The following WSCD2 variants were observed in gnomAD, a reference collection of about 807,000 sequenced individuals.
WSCD2 encodes sialate:O-sulfotransferase 2.
A neutral mutation model predicts 55.7 loss-of-function variants in WSCD2; 28 were observed. The ratio of observed to expected loss-of-function variants is 0.50; its 90% CI spans 0.37 to 0.69. WSCD2 has a LOEUF of 0.69. Among genes scored for constraint, WSCD2 ranks in the 30% least tolerant of loss-of-function variants. The probability of loss-of-function intolerance (pLI) is 0.00; values close to 1 mark genes in which losing one functional copy is unlikely to be tolerated. For synonymous variants in WSCD2, 301 were observed against 301.9 expected (o/e 1.00, Z 0.03); for missense variants, 616 against 762.1 (o/e 0.81, Z 2.26).
intron 1 of WSCD2, among the ~76,000 whole-genome samples, chr12:108,173,900 C>G (rs1295351363): frequency 2.7e-5 from 4 of 150,756 alleles, no homozygotes; most frequent in Non-Finnish European, 5.9e-5. Context: ...ACCGGGTGAT[C>G]TGGCATAAAT....
intron 1 of WSCD2, among the ~76,000 whole-genome samples, chr12:108,152,279 A>G (rs1264343989): frequency 6.6e-6 from 1 of 152,212 alleles, no homozygotes; most frequent in Non-Finnish European, 1.5e-5. Flanking sequence ...GTGGGCTGTG[A>G]CCAAGGAAGG....
In WSCD2 at chr12:108,210,456, TC is replaced by T; in HGVS notation, c.682+154del. The T allele has an allele frequency of 9.7e-7, 1 of 1,025,946 alleles. No individual in the cohort carries two copies. The highest frequency in any genetic ancestry group is 1.4e-6 in the Non-Finnish European group (1 of 723,284). 63.6% of individuals were successfully genotyped at this position (1,025,946 alleles called of 1,614,324 possible). On this transcript the variant is annotated intron_variant, in intron 4 of 8. Transcript: ENST00000547525. The surrounding 1 kb of genome is among the most constrained non-coding windows in gnomAD (Gnocchi z 4.3). Reference sequence around the variant, plus strand: ...CCTGCCCCTGCCTCACCTCTCCCACTCCCTCACAGAGCCCTTTGCCCCAGCT... The same window carrying T: ...CCTGCCCCTGCCTCACCTCTCCCACTCCTCACAGAGCCCTTTGCCCCAGCT...
chr12:108,132,053 C>T (rs1250461943), intron 1 of WSCD2, among the ~76,000 whole-genome samples: 1 of 151,812 alleles, frequency 6.6e-6, no homozygotes, highest in South Asian at 2.1e-4. Context: ...TGTGTGTGTA[C>T]GCATGTGTGT....
At chr12:108,225,182 T>C (rs1335122883) in intron 5 of WSCD2, among the ~76,000 whole-genome samples, 1 of 151,996 alleles carries the variant, frequency 6.6e-6, no homozygotes, top group Non-Finnish European at 1.5e-5. Flanking sequence ...AAAAAAGAGA[T>C]TTAATGGACT....
intron 2 of WSCD2, among the ~76,000 whole-genome samples, chr12:108,201,789 T>C (rs745395969): frequency 3.3e-5 from 5 of 152,044 alleles, no homozygotes; most frequent in Non-Finnish European, 1.5e-5. Flanking sequence ...ATCACCTTCA[T>C]TGAAGAGAGC....
intron 1 of WSCD2, among the ~76,000 whole-genome samples, chr12:108,194,876 G>A (rs921758138): frequency 6.6e-6 from 1 of 152,186 alleles, no homozygotes; most frequent in Admixed American, 6.5e-5. Flanking sequence ...GTCTGGTTCA[G>A]AATTGCCCAG....
intron 8 of WSCD2, among the ~76,000 whole-genome samples, chr12:108,243,749 G>T (rs1889915492): frequency 6.6e-6 from 1 of 152,142 alleles, no homozygotes; most frequent in South Asian, 2.1e-4. Flanking sequence ...TACTTCATGT[G>T]CACTTTAAGG....
At chr12:108,150,856 GA>G (rs1674195274) in intron 1 of WSCD2, among the ~76,000 whole-genome samples, 2 of 152,082 alleles carry the variant, frequency 1.3e-5, no homozygotes, top group Non-Finnish European at 2.9e-5. Flanking sequence ...AGAAGCTCTG[GA>G]AAAAAGGCCC....
At chr12:108,213,810 C>T (rs1359921146) in intron 4 of WSCD2, among the ~76,000 whole-genome samples, 1 of 152,202 alleles carries the variant, frequency 6.6e-6, no homozygotes, top group African/African-American at 2.4e-5. Context: ...TTAGTATACC[C>T]ACTTGCTACA....
intron 1 of WSCD2, among the ~76,000 whole-genome samples, chr12:108,169,702 G>GGCA (rs545477028): frequency 7.0e-4 from 107 of 152,256 alleles, no homozygotes; most frequent in Non-Finnish European, 1.3e-3. Context: ...TCATTAGACT[G>GGCA]GCAGCATGTA....
At chr12:108,136,725 G>A (rs547924207) in intron 1 of WSCD2, among the ~76,000 whole-genome samples, 10 of 150,618 alleles carry the variant, frequency 6.6e-5, no homozygotes, top group African/African-American at 1.0e-4. Flanking sequence ...CTCAAAGCCC[G>A]TGTTCTCAGC....
chr12:108,178,777 T>G (rs1881249246), intron 1 of WSCD2, among the ~76,000 whole-genome samples: 1 of 152,214 alleles, frequency 6.6e-6, no homozygotes, highest in Admixed American at 6.5e-5. Context: ...GTGAAGAGAC[T>G]GTCTCCAAAG....
At chr12:108,169,861 T>G (rs755672584) in intron 1 of WSCD2, among the ~76,000 whole-genome samples, 17 of 152,140 alleles carry the variant, frequency 1.1e-4, no homozygotes, top group Non-Finnish European at 1.8e-4. Flanking sequence ...CTCTGTAAAT[T>G]TTGTTGGCAG....
At chr12:108,180,851 C>T (rs746493408) in intron 1 of WSCD2, among the ~76,000 whole-genome samples, 4 of 152,236 alleles carry the variant, frequency 2.6e-5, no homozygotes, top group Admixed American at 6.5e-5. Flanking sequence ...AGCTTTAAAC[C>T]GAGCACAGCA....
At position 108,247,233 on chromosome 12, in the gene WSCD2, G is replaced by A. The variant is rs59209646; in HGVS notation, c.1346-758G>A. On this transcript the variant is annotated intron_variant, in intron 8 of 8. Coordinates refer to ENST00000547525, the MANE Select transcript of WSCD2 (RefSeq NM_014653.4). Reference sequence around the variant, plus strand: ...TCTTCTGTTAAATGGAGATAATGGTGATACCTCTTAAGGTTGTTGTGAAGA... The same window carrying A: ...TCTTCTGTTAAATGGAGATAATGGTAATACCTCTTAAGGTTGTTGTGAAGA... Among the ~76,000 whole-genome samples the A allele has an allele frequency of 8.9e-3, 1,358 of 151,828 alleles. 18 individuals are homozygous for A. The highest frequency in any genetic ancestry group is 0.032 in the African/African-American group (1,313 of 41,462).
intron 4 of WSCD2, among the ~76,000 whole-genome samples, chr12:108,223,625 T>A (rs1468991233): frequency 1.3e-5 from 2 of 152,182 alleles, no homozygotes; most frequent in Non-Finnish European, 2.9e-5. Context: ...CTGTACTGGA[T>A]GCTATAGGCA....
At chr12:108,151,172 G>C (rs556169000) in intron 1 of WSCD2, among the ~76,000 whole-genome samples, 1 of 152,026 alleles carries the variant, frequency 6.6e-6, no homozygotes, top group Non-Finnish European at 1.5e-5. Flanking sequence ...TCTACTACAG[G>C]CTTTCTCATC....
At chr12:108,138,867 T>C (rs1411311213) in intron 1 of WSCD2, among the ~76,000 whole-genome samples, 2 of 152,244 alleles carry the variant, frequency 1.3e-5, no homozygotes, top group Admixed American at 6.5e-5. Context: ...TGCCAGGTCC[T>C]GTGCTGGGCC....
chr12:108,232,340 C>T (rs995521882), intron 6 of WSCD2, among the ~76,000 whole-genome samples: 2 of 152,024 alleles, frequency 1.3e-5, no homozygotes, highest in African/African-American at 2.4e-5. Context: ...AAATACACGA[C>T]GGATGCCATT....
Sources: gnomAD v4.1 joint callset for allele counts (sites outside exome capture counted in the v4.1 genomes callset) on GRCh38, gnomAD v4.1.1 for gene constraint, Gnocchi (gnomAD v3.1) non-coding constraint, MANE v1.5 for transcripts, NCBI Gene and HGNC (gene_info 2026-07-23, HGNC 2026-07-21) for gene names.